CCM2L: variants seen among roughly 807,000 people sequenced by gnomAD.
CCM2L encodes CCM2 like scaffold protein.
Under a neutral mutation model 54.1 loss-of-function variants are expected in CCM2L, and 36 were observed. The observed-to-expected ratio is 0.67, with a 90% CI of 0.51 to 0.88. CCM2L has a LOEUF of 0.88. Ranked by LOEUF, CCM2L falls within the 40% of genes least tolerant of loss-of-function variation. The pLI, the probability that CCM2L is intolerant of heterozygous loss-of-function variation, is 0.00. For missense variants in CCM2L, 700 were observed against 812.1 expected (o/e 0.86, Z 1.68); for synonymous variants, 351 against 359.3 (o/e 0.98, Z 0.26).
At chr20:32,018,811 T>G (rs1404972593) in intron 4 of CCM2L, 132 bp from the exon 5 acceptor site, 1 of 1,109,426 alleles carries the variant, frequency 9.0e-7, no homozygotes, top group Non-Finnish European at 1.1e-6. Flanking sequence ...ACCGCCGCGC[T>G]ACTTTAAAGC....
intron 5 of CCM2L, among the ~76,000 whole-genome samples, chr20:32,021,622 C>T (rs1226493921): frequency 2.0e-5 from 3 of 151,870 alleles, no homozygotes; most frequent in Non-Finnish European, 2.9e-5. Flanking sequence ...TGCCACTGGG[C>T]GACCGGAGTG....
rs199989562 is a variant in CCM2L at position 32,015,859 on chromosome 20, CT to C, written c.198+803del. Among the ~76,000 whole-genome samples the C allele has an allele frequency of 2.7e-3, 343 of 127,738 alleles. 2 individuals carry two copies. The highest frequency in any genetic ancestry group is 0.025 in the South Asian group (106 of 4,176). 83.8% of individuals were successfully genotyped at this position (127,738 alleles called of 152,430 possible). Reference sequence around the variant, plus strand: ...CTTCCACCACTTAGGAGCTGTACTTCTTTTTTTTTTTTTTTGAGACAGAGTC... The same window carrying C: ...CTTCCACCACTTAGGAGCTGTACTTCTTTTTTTTTTTTTTGAGACAGAGTC... On this transcript the variant is annotated intron_variant, in intron 2 of 9. Coordinates refer to ENST00000452892, the MANE Select transcript of CCM2L (RefSeq NM_001365692.1).
At chr20:32,013,406 C>A (rs2064710182) in intron 1 of CCM2L, among the ~76,000 whole-genome samples, 1 of 152,074 alleles carries the variant, frequency 6.6e-6, no homozygotes, top group African/African-American at 2.4e-5. Context: ...AAAGCTCCCC[C>A]CGTAGTTCGT....
rs193009245 is a variant in CCM2L, at chr20:32,018,029, G to A, written c.333G>A (p.Leu111=). Residue 111 remains leucine, a synonymous_variant, in exon 4 of 10, where the codon CTG becomes CTA. Transcript: ENST00000452892. The part of the protein sequence containing the change: ...LKTTAEQDSI[L]SLSARCLLLT... ...CCACGGCGGAGCAGGACAGCATCCT[G>A]AGCCTGTCTGCCCGCTGCCTGCTGC... The A allele has an allele frequency of 6.2e-7, 1 of 1,613,722 alleles. No homozygotes were observed. The highest frequency in any genetic ancestry group is 8.5e-7 in the Non-Finnish European group (1 of 1,180,018).
chr20:32,011,010 C>T (rs1431835722), intron 1 of CCM2L, among the ~76,000 whole-genome samples: 1 of 152,220 alleles, frequency 6.6e-6, no homozygotes, highest in Non-Finnish European at 1.5e-5. Flanking sequence ...CCTTCTGACT[C>T]TGAAGTTTTC....
At position 32,014,945 on chromosome 20, in the gene CCM2L, C is replaced by T. The variant is rs759116917; in HGVS notation, c.72C>T (p.Ala24=). The change falls in exon 2 of 10, where the codon GCC becomes GCT. Residue 24 remains alanine (A), a synonymous_variant. Coordinates refer to ENST00000452892, the MANE Select transcript of CCM2L (RefSeq NM_001365692.1). The stretch of plus-strand genomic sequence containing the variant: ...TCCGAAGGCTGGTGTTCCCCAAGGC[C>T]GGGCGCCGGGCAGCCTGTAGGAGCA... ...SPIRRLVFPK[A]GRRAACRSSV... 38 of 1,602,114 alleles carry T rather than the reference C, an allele frequency of 2.4e-5. No individual in the cohort carries two copies. The highest frequency in any genetic ancestry group is 1.6e-4 in the African/African-American group (12 of 73,828).
chr20:32,031,168 C>A lies in CCM2L; in HGVS notation c.1570C>A (p.Arg524=). 1 of 1,302,332 alleles carries A rather than the reference C, an allele frequency of 7.7e-7. No individual in the cohort carries two copies. The highest frequency in any genetic ancestry group is 1.0e-6 in the Non-Finnish European group (1 of 988,442). The allele number at this position is 1,302,332 out of a possible 1,614,324, so 80.7% of individuals were successfully genotyped here. Residue 524 remains arginine, a synonymous_variant, in exon 10 of 10, where the codon CGG becomes AGG. Coordinates refer to ENST00000452892, the MANE Select transcript of CCM2L (RefSeq NM_001365692.1). ...GCGCAGCTACGATGGCGCGGCGCAGCGGCCCGAGGCACAGGCCTTCCACCG... is the reference window on the plus strand; with the variant it reads ...GCGCAGCTACGATGGCGCGGCGCAGAGGCCCGAGGCACAGGCCTTCCACCG... ...AVRSYDGAAQ[R]PEAQAFHRLL...
intron 7 of CCM2L, among the ~76,000 whole-genome samples, chr20:32,027,179 T>A (rs939809990): frequency 6.6e-6 from 1 of 152,264 alleles, no homozygotes. Flanking sequence ...AAGAAAGTCC[T>A]GGGTTACTGG....
At chr20:32,030,727 T>A (rs1007637439) in intron 9 of CCM2L, among the ~76,000 whole-genome samples, 1 of 150,702 alleles carries the variant, frequency 6.6e-6, no homozygotes, top group Admixed American at 6.7e-5. Context: ...CCCAGCTACT[T>A]GGGAGGCTGA....
chr20:32,029,231 C>A (rs2122373315), intron 8 of CCM2L, 107 bp downstream of exon 8: 1 of 1,488,314 alleles, frequency 6.7e-7, no homozygotes, highest in Non-Finnish European at 9.3e-7. Context: ...CAGAAGACAT[C>A]AGAGGTCAGA....
Position 32,019,262 on chromosome 20 carries a change from GC to G in CCM2L, c.788del (p.Pro263ArgfsTer46). On this transcript the variant is annotated frameshift_variant, in exon 5 of 10. Transcript: ENST00000452892. LOFTEE classifies it high-confidence loss of function. ...GGGGGGGAGK[P>X]GGSWERRQAG... ...GCGGCGGCGGCGGCGGCGCGGGAAAGCCGGGCGGTAGCTGGGAGCGGAGGCA... is the reference window on the plus strand; with the variant it reads ...GCGGCGGCGGCGGCGGCGCGGGAAAGCGGGCGGTAGCTGGGAGCGGAGGCA... The G allele has an allele frequency of 8.2e-7, 1 of 1,218,780 alleles. No homozygotes were observed. Among genetic ancestry groups the G allele is most frequent in the Non-Finnish European group, 1.0e-6 (1 of 975,964 alleles). 75.5% of individuals were successfully genotyped at this position (1,218,780 alleles called of 1,614,324 possible). A position where few individuals can be genotyped will look rare whatever the true frequency, so the allele number is the denominator to read the frequency against.
In CCM2L at chr20:32,025,786, GC is replaced by G. The variant is rs1364589735; in HGVS notation, c.1070-68del. 5.4e-6 allele frequency: 6 copies of G among 1,103,850 alleles called. No individual in the cohort carries two copies. In the African/African-American group the frequency reaches 9.6e-5, roughly 18 times the overall value. 68.4% of individuals were successfully genotyped at this position (1,103,850 alleles called of 1,614,324 possible). A position where few individuals can be genotyped will look rare whatever the true frequency, so the allele number is the denominator to read the frequency against. Reference sequence around the variant, plus strand: ...ACTTCAGGCTGAGACTGAGGGTGGGGCCTCAGGGAGCAGGGGATGCTGATCC... The same window carrying G: ...ACTTCAGGCTGAGACTGAGGGTGGGGCTCAGGGAGCAGGGGATGCTGATCC... On this transcript the variant is annotated intron_variant, in intron 6 of 9. Transcript: ENST00000452892.
rs981378295 is a variant in CCM2L at position 32,031,443 on chromosome 20, C to T, written c.*129C>T. On this transcript the variant is annotated 3_prime_UTR_variant, in exon 10 of 10. Transcript: ENST00000452892. ...GGGGGGTCTTCACTCCAGGGTCTCGCTCCCTGCCCTTGGGGCCCGGGGCCA... is the reference window on the plus strand; with the variant it reads ...GGGGGGTCTTCACTCCAGGGTCTCGTTCCCTGCCCTTGGGGCCCGGGGCCA... 3.5e-5 allele frequency: 26 copies of T among 738,422 alleles called. No homozygotes were observed. The highest frequency in any genetic ancestry group is 4.9e-5 in the Non-Finnish European group (26 of 532,966). The allele number at this position is 738,422 out of a possible 1,614,324, so 45.7% of individuals were successfully genotyped here. A position where few individuals can be genotyped will look rare whatever the true frequency, so the allele number is the denominator to read the frequency against.
At chr20:32,018,827 G>A (rs2064766979) in intron 4 of CCM2L, 116 bp from the exon 5 acceptor site, 2 of 1,155,430 alleles carry the variant, frequency 1.7e-6, no homozygotes, top group South Asian at 3.8e-5. Context: ...AAAGCCGGGG[G>A]CGAGGCGGCG....
In CCM2L at chr20:32,031,020, G is replaced by C; in HGVS notation, c.1422G>C (p.Pro474=). The C allele has an allele frequency of 7.7e-7, 1 of 1,304,178 alleles. No homozygotes were observed. The highest frequency in any genetic ancestry group is 1.0e-6 in the Non-Finnish European group (1 of 988,922). The allele number at this position is 1,304,178 out of a possible 1,614,324, so 80.8% of individuals were successfully genotyped here. A position where few individuals can be genotyped will look rare whatever the true frequency, so the allele number is the denominator to read the frequency against. ...FLLLGMRPFI[P]DQDIGYFEGF... Reference sequence around the variant, plus strand: ...TCGCAGGGATGCGGCCCTTCATCCCGGACCAGGACATCGGCTACTTCGAGG... The same window carrying C: ...TCGCAGGGATGCGGCCCTTCATCCCCGACCAGGACATCGGCTACTTCGAGG... The change falls in exon 10 of 10, where the codon CCG becomes CCC. Residue 474 remains proline (P), a synonymous_variant. Transcript: ENST00000452892.
chr20:32,017,882 G>T lies in CCM2L; in HGVS notation c.281G>T (p.Arg94Met). The T allele has an allele frequency of 3.1e-6, 5 of 1,614,016 alleles. No individual in the cohort carries two copies. Among genetic ancestry groups the T allele is most frequent in the Non-Finnish European group, 3.4e-6 (4 of 1,180,010 alleles). Residue 94 changes from arginine (R) to methionine (M), a missense_variant and splice_region_variant, in exon 3 of 10, where the codon AGG becomes ATG. Coordinates refer to ENST00000452892, the MANE Select transcript of CCM2L (RefSeq NM_001365692.1). ...CTCCTGCAGCTGCTAGACACCGCCA[G>T]GGTGAGACTCTGGGGAGGGAGGAGG... is the stretch of plus-strand genomic sequence containing the variant. ...DELLQLLDTA[R>M]QLKELPLKTT... is the part of the protein sequence containing the mutation.
At chr20:32,017,251 G>A (rs1296785654) in intron 2 of CCM2L, among the ~76,000 whole-genome samples, 1 of 152,152 alleles carries the variant, frequency 6.6e-6, no homozygotes, top group Non-Finnish European at 1.5e-5. Flanking sequence ...TGACAAAATG[G>A]TATACTAATT....
At chr20:32,013,152 A>C (rs971512686) in intron 1 of CCM2L, among the ~76,000 whole-genome samples, 2 of 152,196 alleles carry the variant, frequency 1.3e-5, no homozygotes, top group Non-Finnish European at 2.9e-5. Flanking sequence ...TTAAAAAATT[A>C]GCAGGGCATG....
chr20:32,027,179 T>C (rs939809990), intron 7 of CCM2L, among the ~76,000 whole-genome samples: 2 of 152,264 alleles, frequency 1.3e-5, no homozygotes, highest in Non-Finnish European at 2.9e-5. Flanking sequence ...AAGAAAGTCC[T>C]GGGTTACTGG....
Sources: gnomAD v4.1 joint callset for allele counts (sites outside exome capture counted in the v4.1 genomes callset) on GRCh38, gnomAD v4.1.1 for gene constraint, MANE v1.5 for transcripts, NCBI Gene and HGNC (gene_info 2026-07-23, HGNC 2026-07-21) for gene names.